The following MAST2 variants were observed in gnomAD, a reference collection of about 807,000 sequenced individuals.
MAST2 encodes microtubule associated serine/threonine kinase 2, also known as microtubule-associated serine/threonine-protein kinase 2.
A neutral mutation model predicts 147.4 loss-of-function variants in MAST2; 70 were observed. That is an observed-to-expected ratio of 0.47 (90% CI 0.39 to 0.58). The LOEUF (loss-of-function observed/expected upper bound fraction) is 0.58, where lower values mean the gene tolerates loss of function less well. MAST2 is among the 20% of genes least tolerant of loss of function. The pLI, the probability that MAST2 is intolerant of heterozygous loss-of-function variation, is 0.00. For missense variants in MAST2, 2,080 were observed against 2,302.3 expected, an observed-to-expected ratio of 0.90 and a Z score of 1.98; for synonymous variants, 869 against 896.8, an observed-to-expected ratio of 0.97 and a Z score of 0.55.
chr1:45,902,296 T>C (rs577679976), intron 4 of MAST2, among the ~76,000 whole-genome samples: 14 of 152,324 alleles, frequency 9.2e-5, no homozygotes, highest in African/African-American at 3.4e-4. Context: ...TATTGATTTG[T>C]GTACGCTGAA....
At position 46,023,416 on chromosome 1, in the gene MAST2, G is replaced by A; in HGVS notation, c.1571+98G>A. The A allele has an allele frequency of 2.6e-6, 3 of 1,139,990 alleles. No homozygotes were observed. The highest frequency in any genetic ancestry group is 3.6e-5 in the Admixed American group (2 of 55,228). 70.6% of individuals were successfully genotyped at this position (1,139,990 alleles called of 1,614,324 possible). The stretch of plus-strand genomic sequence containing the variant: ...ATGCTGCCCAGTCCTCTGGGCAGAT[G>A]CCTCGGGGTGGACCTTCTCACTCCC... On this transcript the variant is annotated intron_variant, in intron 14 of 28. Transcript: ENST00000361297. The surrounding 1 kb of genome is among the most constrained non-coding windows in gnomAD (Gnocchi z 4.9).
At chr1:45,948,478 C>T (rs561862872) in intron 4 of MAST2, among the ~76,000 whole-genome samples, 13 of 152,002 alleles carry the variant, frequency 8.6e-5, no homozygotes, top group East Asian at 7.7e-4. Context: ...GAGGCCAAGG[C>T]GGGTGGATCA....
rs1169724548 is a variant in MAST2, at chr1:46,022,007, G to A, written c.1348G>A (p.Glu450Lys). Residue 450 changes from glutamate (E) to lysine (K), a missense_variant, in exon 12 of 29, where the codon GAG becomes AAG. By Grantham distance (56) the Glu-to-Lys change is moderately conservative. Transcript: ENST00000361297. Reference sequence around the variant, plus strand: ...AGAAGCAGCTGAGGGCCACGCCAAAGAGGGACAAGGGATTAAATGTGACAT... The same window carrying A: ...AGAAGCAGCTGAGGGCCACGCCAAAAAGGGACAAGGGATTAAATGTGACAT... Reference protein sequence around the residue: ...LLEAAEGHAKEGQGIKCDIPR... With the variant: ...LLEAAEGHAKKGQGIKCDIPR... The A allele has an allele frequency of 6.2e-7, 1 of 1,614,224 alleles. No individual in the cohort carries two copies. The highest frequency in any genetic ancestry group is 2.2e-5 in the East Asian group (1 of 44,892).
chr1:45,829,578 C>T lies in MAST2; in HGVS notation c.465C>T (p.Gly155=). ...AGTCTGCACCTTCTCTTACTGCTGG[C>T]CTGGTAAGTGTTCATAAAGGTGGCA... The part of the protein sequence containing the change: ...LGQSAPSLTA[G]LKELSLPRRG... The change falls in exon 3 of 29, where the codon GGC becomes GGT. Residue 155 remains glycine, a synonymous_variant. Transcript: ENST00000361297. The T allele has an allele frequency of 6.2e-7, 1 of 1,611,906 alleles. No individual in the cohort carries two copies. Among genetic ancestry groups the T allele is most frequent in the Non-Finnish European group, 8.5e-7 (1 of 1,179,064 alleles).
Position 46,031,112 on chromosome 1 carries a change from G to C in MAST2, c.2814G>C (p.Arg938=). 2.5e-6 allele frequency: 4 copies of C among 1,612,290 alleles called. No individual in the cohort carries two copies. The highest frequency in any genetic ancestry group is 3.4e-6 in the Non-Finnish European group (4 of 1,178,836). Residue 938 remains arginine (R), a synonymous_variant, in exon 23 of 29, where the codon CGG becomes CGC. Transcript: ENST00000361297. This position sits in a 1 kb window ranked among gnomAD's most constrained non-coding sequence, Gnocchi z 4.1. ...RRCSGLLDAP[R]FPEGPEEASS... ...GCTCAGGCCTCCTGGATGCGCCTCG[G>C]TTCCCGGAGGGCCCTGAGGAGGCCA...
chr1:45,832,573 T>TG (rs1644992239), intron 3 of MAST2, among the ~76,000 whole-genome samples: 1 of 152,126 alleles, frequency 6.6e-6, no homozygotes, highest in Non-Finnish European at 1.5e-5. Context: ...GGGTTACAGG[T>TG]GTGAGCCACT....
intron 3 of MAST2, among the ~76,000 whole-genome samples, chr1:45,861,593 A>G (rs1645983446): frequency 6.6e-6 from 1 of 152,074 alleles, no homozygotes; most frequent in Non-Finnish European, 1.5e-5. Flanking sequence ...TGGAAGAAAT[A>G]TTCCTTCTAT....
chr1:45,885,723 G>A (rs1289308119), intron 4 of MAST2, among the ~76,000 whole-genome samples: 1 of 152,038 alleles, frequency 6.6e-6, no homozygotes, highest in East Asian at 1.9e-4. Context: ...TTCCATCCAT[G>A]CATCCATCAT....
At chr1:45,973,206 C>G (rs750582441) in intron 5 of MAST2, among the ~76,000 whole-genome samples, 1 of 151,652 alleles carries the variant, frequency 6.6e-6, no homozygotes, top group Non-Finnish European at 1.5e-5. Context: ...TTTCGATACA[C>G]CCGTAGTTGA....
chr1:46,034,656 G>T lies in MAST2; in HGVS notation c.3987G>T (p.Gln1329His). 2 of 1,614,114 alleles carry T rather than the reference G, an allele frequency of 1.2e-6. No individual in the cohort carries two copies. ...GTCTGGCACCCAAGCTCCAACGCCAGTACCGCTCTCCACGGCGCAAGTCAG... is the reference window on the plus strand; with the variant it reads ...GTCTGGCACCCAAGCTCCAACGCCATTACCGCTCTCCACGGCGCAAGTCAG... ...LHGLAPKLQRQYRSPRRKSAG... is the reference protein window; with the variant it reads ...LHGLAPKLQRHYRSPRRKSAG... Residue 1329 changes from glutamine to histidine, a missense_variant, in exon 29 of 29, where the codon CAG becomes CAT. Physicochemically the swap from Gln to His is conservative, Grantham distance 24. This residue lies in a region of MAST2 where 1,278 missense variants were observed against 1,304.2 expected (regional missense o/e 0.98). Coordinates refer to ENST00000361297, the MANE Select transcript of MAST2 (RefSeq NM_015112.3).
At chr1:45,820,727 T>C (rs1644595408) in intron 1 of MAST2, among the ~76,000 whole-genome samples, 1 of 151,936 alleles carries the variant, frequency 6.6e-6, no homozygotes. Context: ...TGGATCTTCA[T>C]TTTTTCAGAT....
intron 2 of MAST2, among the ~76,000 whole-genome samples, chr1:45,827,005 T>C (rs1570256118): frequency 6.6e-6 from 1 of 152,016 alleles, no homozygotes; most frequent in South Asian, 2.1e-4. Flanking sequence ...AATTTTTGTA[T>C]TTTTAGTAGA....
intron 5 of MAST2, among the ~76,000 whole-genome samples, chr1:45,968,547 T>C (rs1030970794): frequency 1.3e-5 from 2 of 152,008 alleles, no homozygotes; most frequent in African/African-American, 2.4e-5. Flanking sequence ...TTGTGCGGTT[T>C]GTGAGAAGTT....
intron 4 of MAST2, among the ~76,000 whole-genome samples, chr1:45,931,737 G>A (rs537272844): frequency 1.3e-5 from 2 of 151,664 alleles, no homozygotes; most frequent in East Asian, 1.9e-4. Flanking sequence ...CAGGTGATCC[G>A]CCCACCTCAG....
intron 5 of MAST2, among the ~76,000 whole-genome samples, chr1:45,991,595 TGTTAAATTTATATGTA>T (rs1453788053): frequency 6.6e-6 from 1 of 152,238 alleles, no homozygotes; most frequent in African/African-American, 2.4e-5. Flanking sequence ...TCAGTGTATT[TGTTAAATTTATATGTA>T]GGCATTTCAG....
At chr1:45,986,443 C>T (rs12143773) in intron 5 of MAST2, among the ~76,000 whole-genome samples, 14,557 of 152,120 alleles carry the variant, frequency 0.096, 879 homozygotes, top group Middle Eastern at 0.14. Context: ...ATGCCGGGCA[C>T]GGTGGCTCAT....
chr1:45,973,443 A>C (rs776437427), intron 5 of MAST2, among the ~76,000 whole-genome samples: 8 of 152,144 alleles, frequency 5.3e-5, no homozygotes, highest in Non-Finnish European at 1.0e-4. Flanking sequence ...TGGGACCTTT[A>C]ATCCTTGGGA....
intron 20 of MAST2, 46 bp downstream of exon 20, chr1:46,029,999 GC>G: frequency 6.2e-7 from 1 of 1,611,654 alleles, no homozygotes; most frequent in Non-Finnish European, 8.5e-7. Flanking sequence ...CTACCTGTTT[GC>G]CTAGAAACAC....
At chr1:45,919,727 C>G (rs1354574854) in intron 4 of MAST2, among the ~76,000 whole-genome samples, 1 of 151,844 alleles carries the variant, frequency 6.6e-6, no homozygotes, top group East Asian at 1.9e-4. Flanking sequence ...CTCTTGATGA[C>G]TATGGTCTCA....
Sources: allele counts gnomAD v4.1 joint callset (sites outside exome capture counted in the v4.1 genomes callset), GRCh38; gene constraint gnomAD v4.1.1; regional missense constraint gnomAD v4.1.1; non-coding constraint Gnocchi (gnomAD v3.1); transcripts MANE v1.5; gene names NCBI Gene and HGNC (gene_info 2026-07-23, HGNC 2026-07-21).